Variants in SNX4 observed in about 807,000 individuals in gnomAD.
SNX4 encodes sorting nexin 4, also known as sorting nexin-4.
In SNX4, 49 loss-of-function variants were observed where a neutral mutation model predicts 70.8. The ratio of observed to expected loss-of-function variants is 0.69; its 90% CI spans 0.55 to 0.88. The LOEUF (loss-of-function observed/expected upper bound fraction) is 0.88, where lower values mean the gene tolerates loss of function less well. Among genes scored for constraint, SNX4 ranks in the 40% least tolerant of loss-of-function variants. The probability of loss-of-function intolerance (pLI) is 0.00; values close to 1 mark genes in which losing one functional copy is unlikely to be tolerated. For missense variants in SNX4, 528 were observed against 544.8 expected (o/e 0.97, Z 0.31); for synonymous variants, 206 against 183.8 (o/e 1.12, Z -0.98).
intron 2 of SNX4, among the ~76,000 whole-genome samples, chr3:125,503,272 A>G (rs1413050735): frequency 6.6e-6 from 1 of 152,214 alleles, no homozygotes; most frequent in African/African-American, 2.4e-5. Context: ...TTTTAATTGA[A>G]AGCATTTCTG....
intron 6 of SNX4, among the ~76,000 whole-genome samples, chr3:125,488,270 G>T (rs146206661): frequency 0.041 from 6,205 of 151,004 alleles, 222 homozygotes; most frequent in East Asian, 0.12. Context: ...GAAGTCAGGA[G>T]TTTGAGACCA....
intron 9 of SNX4, 72 bp downstream of exon 9, chr3:125,469,382 G>C: frequency 1.0e-6 from 1 of 996,236 alleles, no homozygotes; most frequent in Non-Finnish European, 1.6e-6. Flanking sequence ...AAAAACAGAA[G>C]AATAGAAGAG....
intron 13 of SNX4, among the ~76,000 whole-genome samples, chr3:125,448,769 G>A (rs561419016): frequency 3.2e-4 from 45 of 140,918 alleles, no homozygotes; most frequent in African/African-American, 1.1e-3. Flanking sequence ...TCCACCTCCC[G>A]GGTTCACACC....
chr3:125,459,031 G>A (rs183110007), intron 10 of SNX4, among the ~76,000 whole-genome samples: 16 of 151,886 alleles, frequency 1.1e-4, no homozygotes, highest in African/African-American at 1.9e-4. Flanking sequence ...AAAATTAGCC[G>A]GGCATGGTGG....
intron 13 of SNX4, among the ~76,000 whole-genome samples, chr3:125,449,839 T>C (rs1933530788): frequency 6.6e-6 from 1 of 152,188 alleles, no homozygotes; most frequent in Non-Finnish European, 1.5e-5. Context: ...AAGAAGTGAA[T>C]GAGAGATCAC....
At chr3:125,505,891 G>A (rs1480640445) in intron 1 of SNX4, among the ~76,000 whole-genome samples, 1 of 152,070 alleles carries the variant, frequency 6.6e-6, no homozygotes. Flanking sequence ...ATCCCAGGAG[G>A]TCAAAACTAG....
intron 10 of SNX4, among the ~76,000 whole-genome samples, chr3:125,458,170 A>T (rs900377933): frequency 8.1e-5 from 10 of 122,714 alleles, no homozygotes; most frequent in Non-Finnish European, 8.4e-5. Context: ...TCTATTAGGT[A>T]TTTTTTTTTT....
chr3:125,455,485 G>A (rs765857165), intron 11 of SNX4, among the ~76,000 whole-genome samples: 18 of 152,144 alleles, frequency 1.2e-4, no homozygotes, highest in Non-Finnish European at 2.5e-4. Context: ...AAGCTTCACT[G>A]CTTTAACATT....
rs2107835689 is a variant in SNX4 at position 125,446,693 on chromosome 3, A to C, written c.*1086T>G. 1 of 152,784 alleles carries C rather than the reference A, an allele frequency of 6.5e-6. No homozygotes were observed. Among genetic ancestry groups the C allele is most frequent in the African/African-American group, 2.4e-5 (1 of 41,584 alleles). The allele number at this position is 152,784 out of a possible 1,614,324, so 9.5% of individuals were successfully genotyped here. Reference sequence around the variant, plus strand: ...TATTTATTGTATAAGTTTGGCAAACAGCACAAAAATCCAGCAACATTTAAA... The same window carrying C: ...TATTTATTGTATAAGTTTGGCAAACCGCACAAAAATCCAGCAACATTTAAA... On this transcript the variant is annotated 3_prime_UTR_variant, in exon 14 of 14. Coordinates refer to ENST00000251775, the MANE Select transcript of SNX4 (RefSeq NM_003794.4).
At chr3:125,497,664 A>C (rs1036268038) in intron 4 of SNX4, among the ~76,000 whole-genome samples, 170 bp downstream of exon 4, 9 of 152,180 alleles carry the variant, frequency 5.9e-5, no homozygotes, top group African/African-American at 2.2e-4. Context: ...GTATCTTTAA[A>C]TAGAAAAAGT....
intron 11 of SNX4, among the ~76,000 whole-genome samples, chr3:125,454,209 G>A (rs1011704337): frequency 6.6e-6 from 1 of 152,154 alleles, no homozygotes; most frequent in Non-Finnish European, 1.5e-5. Context: ...TAAAGCAGGG[G>A]GTCCCCAACC....
chr3:125,460,894 G>T (rs1336265709), intron 9 of SNX4, 34 bp from the exon 10 acceptor site: 1 of 739,266 alleles, frequency 1.4e-6, no homozygotes, highest in Non-Finnish European at 2.0e-6. Context: ...ATTGCATAGA[G>T]TTACTTTCAT....
At chr3:125,506,777 T>G (rs1935051086) in intron 1 of SNX4, among the ~76,000 whole-genome samples, 2 of 109,920 alleles carry the variant, frequency 1.8e-5, no homozygotes, top group Admixed American at 2.7e-4. Flanking sequence ...GTAATCATCT[T>G]ATAGATGCTC....
In SNX4 at chr3:125,497,773, A is replaced by G. The variant is rs1934829256; in HGVS notation, c.549+61T>C. 3.3e-6 allele frequency: 4 copies of G among 1,217,116 alleles called. No individual in the cohort carries two copies. The South Asian group carries it at 4.9e-5, about 15-fold the overall frequency. 75.4% of individuals were successfully genotyped at this position (1,217,116 alleles called of 1,614,324 possible). On this transcript the variant is annotated intron_variant, in intron 4 of 13. Coordinates refer to ENST00000251775, the MANE Select transcript of SNX4 (RefSeq NM_003794.4). ...AGATCCTTAAAATAAGTATTCTACA[A>G]TTTTTTTAAGAAACCCAAATTAAAT...
At chr3:125,519,403 C>T (rs4474993) in intron 1 of SNX4, among the ~76,000 whole-genome samples, 44,679 of 150,458 alleles carry the variant, frequency 0.3, 7,182 homozygotes, top group African/African-American at 0.43. Context: ...ACAGCACTTC[C>T]CCCAAAACAA....
chr3:125,470,395 T>A (rs1471314025), intron 8 of SNX4, among the ~76,000 whole-genome samples: 1 of 151,780 alleles, frequency 6.6e-6, no homozygotes, highest in Non-Finnish European at 1.5e-5. Flanking sequence ...AAAGAATGTA[T>A]AATAATCATC....
Position 125,457,430 on chromosome 3 carries a change from G to C in SNX4, c.945-65C>G, listed in dbSNP as rs576653571. On this transcript the variant is annotated intron_variant, in intron 10 of 13. Coordinates refer to ENST00000251775, the MANE Select transcript of SNX4 (RefSeq NM_003794.4). Reference sequence around the variant, plus strand: ...TAACATGTCAAACATTTTTTTCAAGGGTAGAGGAGAACCATTCACAATGTC... The same window carrying C: ...TAACATGTCAAACATTTTTTTCAAGCGTAGAGGAGAACCATTCACAATGTC... 180 of 1,223,716 alleles carry C rather than the reference G, an allele frequency of 1.5e-4. 1 individual carries two copies. The highest frequency in any genetic ancestry group is 1.0e-4 in the Non-Finnish European group (87 of 833,902). The allele number at this position is 1,223,716 out of a possible 1,614,324, so 75.8% of individuals were successfully genotyped here. A position where few individuals can be genotyped will look rare whatever the true frequency, so the allele number is the denominator to read the frequency against.
intron 9 of SNX4, among the ~76,000 whole-genome samples, chr3:125,463,898 AAT>A (rs1933942013): frequency 6.6e-6 from 1 of 151,852 alleles, no homozygotes; most frequent in Non-Finnish European, 1.5e-5. Context: ...TCACTGTCTT[AAT>A]AGTGTCGCTT....
At chr3:125,501,444 AC>A (rs1278864778) in intron 2 of SNX4, among the ~76,000 whole-genome samples, 120 of 152,170 alleles carry the variant, frequency 7.9e-4, no homozygotes, top group Non-Finnish European at 5.6e-4. Context: ...ACATGGCAAA[AC>A]CCCATCTCTA....
Sources: allele counts gnomAD v4.1 joint callset (sites outside exome capture counted in the v4.1 genomes callset), GRCh38; gene constraint gnomAD v4.1.1; transcripts MANE v1.5; gene names NCBI Gene and HGNC (gene_info 2026-07-23, HGNC 2026-07-21).